The following RALGAPA1 variants were observed in gnomAD, a reference collection of about 807,000 sequenced individuals.
RALGAPA1 encodes the protein Ral GTPase activating protein catalytic subunit alpha 1, also known as ral GTPase-activating protein subunit alpha-1.
Under a neutral mutation model 269.6 loss-of-function variants are expected in RALGAPA1, and 52 were observed. The ratio of observed to expected loss-of-function variants is 0.19; its 90% CI spans 0.15 to 0.24. The LOEUF is 0.24. RALGAPA1 is among the 10% of genes least tolerant of loss of function. The pLI is 1.00. For missense variants in RALGAPA1, 1,917 were observed against 3,013.9 expected, an observed-to-expected ratio of 0.64 and a Z score of 8.52; for synonymous variants, 817 against 1,008.3, an observed-to-expected ratio of 0.81 and a Z score of 3.60.
At chr14:35,752,758 C>G (rs1297308916) in intron 7 of RALGAPA1, among the ~76,000 whole-genome samples, 7 of 152,058 alleles carry the variant, frequency 4.6e-5, no homozygotes, top group East Asian at 1.9e-4. Flanking sequence ...GAGTGGGGTA[C>G]TGGAACCCAA....
chr14:35,702,496 T>C (rs1023082615), intron 16 of RALGAPA1, among the ~76,000 whole-genome samples: 3 of 152,110 alleles, frequency 2.0e-5, no homozygotes, highest in African/African-American at 4.8e-5. Flanking sequence ...ATATACAAAA[T>C]GTCAGAATCT....
chr14:35,722,763 G>A (rs1180757069), intron 15 of RALGAPA1, among the ~76,000 whole-genome samples: 1 of 152,012 alleles, frequency 6.6e-6, no homozygotes, highest in African/African-American at 2.4e-5. Flanking sequence ...TTAAAACTAA[G>A]TAAGTGCTTT....
At chr14:35,690,435 T>A (rs912487559) in intron 17 of RALGAPA1, among the ~76,000 whole-genome samples, 1 of 152,210 alleles carries the variant, frequency 6.6e-6, no homozygotes, top group Non-Finnish European at 1.5e-5. Context: ...TAATAAATTC[T>A]CCAGCTTCCT....
intron 3 of RALGAPA1, among the ~76,000 whole-genome samples, chr14:35,772,077 T>G (rs897103895): frequency 6.6e-6 from 1 of 151,800 alleles, no homozygotes; most frequent in African/African-American, 2.4e-5. Flanking sequence ...TTTTAAGAGG[T>G]GGGGGTTTCA....
chr14:35,804,364 T>A (rs1376950193), intron 1 of RALGAPA1, among the ~76,000 whole-genome samples: 1 of 146,568 alleles, frequency 6.8e-6, no homozygotes, highest in African/African-American at 2.6e-5. Context: ...AGGTCAGGAG[T>A]TCAAGACCAG....
At chr14:35,714,876 T>C (rs995309068) in intron 16 of RALGAPA1, among the ~76,000 whole-genome samples, 29 of 152,360 alleles carry the variant, frequency 1.9e-4, no homozygotes, top group African/African-American at 6.0e-4. Context: ...TCTATAATGA[T>C]AGTTATTTTT....
intron 1 of RALGAPA1, among the ~76,000 whole-genome samples, chr14:35,801,971 G>A (rs1308339955): frequency 6.6e-6 from 1 of 152,212 alleles, no homozygotes; most frequent in Admixed American, 6.5e-5. Context: ...AACTGTATTT[G>A]CAGACTGATT....
chr14:35,653,813 C>T (rs2063000412), intron 30 of RALGAPA1, among the ~76,000 whole-genome samples: 2 of 151,280 alleles, frequency 1.3e-5, no homozygotes, highest in Non-Finnish European at 1.5e-5. Flanking sequence ...CAGGAGACAC[C>T]GAATTAGAAT....
chr14:35,597,802 T>A (rs2059019361), intron 36 of RALGAPA1, among the ~76,000 whole-genome samples: 1 of 152,266 alleles, frequency 6.6e-6, no homozygotes, highest in Non-Finnish European at 1.5e-5. Context: ...GGACATAGGA[T>A]GTAACCTTTT....
At chr14:35,702,808 C>T (rs1364199719) in intron 16 of RALGAPA1, among the ~76,000 whole-genome samples, 4 of 149,594 alleles carry the variant, frequency 2.7e-5, no homozygotes, top group African/African-American at 7.4e-5. Flanking sequence ...GGCGCGATCT[C>T]GGCTCACTGC....
chr14:35,738,800 A>C (rs2141123625), intron 11 of RALGAPA1, 150 bp from the exon 12 acceptor site: 1 of 603,970 alleles, frequency 1.7e-6, no homozygotes, highest in Non-Finnish European at 2.8e-6. Context: ...AAATCCAAAA[A>C]CAATGTATAT....
intron 6 of RALGAPA1, among the ~76,000 whole-genome samples, chr14:35,759,143 G>A (rs1324641575): frequency 6.6e-6 from 1 of 152,078 alleles, no homozygotes; most frequent in Non-Finnish European, 1.5e-5. Context: ...AACACATAAT[G>A]TAAATAAGCA....
Position 35,572,733 on chromosome 14 carries a change from A to G in RALGAPA1, c.7210-15T>C. ...AAATGTCTCAACTGGAAAGACAAGAAAACAATTTATACTGCTTTAAAAGCT... is the reference window on the plus strand; with the variant it reads ...AAATGTCTCAACTGGAAAGACAAGAGAACAATTTATACTGCTTTAAAAGCT... On this transcript the variant is annotated splice_polypyrimidine_tract_variant and intron_variant, in intron 37 of 41. Coordinates refer to ENST00000680220, the MANE Select transcript of RALGAPA1 (RefSeq NM_001346249.2). 1 of 1,588,346 alleles carries G rather than the reference A, an allele frequency of 6.3e-7. No individual in the cohort carries two copies. The highest frequency in any genetic ancestry group is 8.6e-7 in the Non-Finnish European group (1 of 1,168,402).
intron 37 of RALGAPA1, among the ~76,000 whole-genome samples, chr14:35,577,277 C>T (rs967733346): frequency 7.2e-5 from 11 of 151,996 alleles, no homozygotes; most frequent in South Asian, 4.2e-4. Context: ...CCCATCCACC[C>T]CCCAAATTCA....
intron 35 of RALGAPA1, among the ~76,000 whole-genome samples, chr14:35,610,290 T>C (rs1359777930): frequency 6.6e-6 from 1 of 151,336 alleles, no homozygotes; most frequent in African/African-American, 2.4e-5. Context: ...TTTTTTCTTT[T>C]TTTTTTTTTT....
chr14:35,562,445 A>T (rs2056339197), intron 39 of RALGAPA1, among the ~76,000 whole-genome samples: 1 of 152,122 alleles, frequency 6.6e-6, no homozygotes, highest in Admixed American at 6.5e-5. Flanking sequence ...AGATCTCCCA[A>T]CCCCAAATGA....
chr14:35,602,436 T>C (rs774859270), intron 36 of RALGAPA1, among the ~76,000 whole-genome samples: 2 of 152,198 alleles, frequency 1.3e-5, no homozygotes, highest in African/African-American at 2.4e-5. Flanking sequence ...CTACTAGCAG[T>C]GTATGAGGGT....
Position 35,587,584 on chromosome 14 carries a change from C to G in RALGAPA1, c.7209+8050G>C, listed in dbSNP as rs988315009. Among the ~76,000 whole-genome samples the G allele has an allele frequency of 1.3e-5, 2 of 152,114 alleles. 1 individual carries two copies. Among genetic ancestry groups the G allele is most frequent in the African/African-American group, 4.8e-5 (2 of 41,412 alleles). Reference sequence around the variant, plus strand: ...GTCCTTTGCAGGGACATGGATGAAGCTGGAAACCATCATTTTGAGCAAACT... The same window carrying G: ...GTCCTTTGCAGGGACATGGATGAAGGTGGAAACCATCATTTTGAGCAAACT... On this transcript the variant is annotated intron_variant, in intron 37 of 41. Transcript: ENST00000680220.
At chr14:35,743,579 C>A (rs540287527) in intron 10 of RALGAPA1, among the ~76,000 whole-genome samples, 1 of 152,174 alleles carries the variant, frequency 6.6e-6, no homozygotes, top group South Asian at 2.1e-4. Flanking sequence ...ACTGAACTGG[C>A]CTCAAGTGGT....
Sources: gnomAD v4.1 joint callset for allele counts (sites outside exome capture counted in the v4.1 genomes callset) on GRCh38, gnomAD v4.1.1 for gene constraint, MANE v1.5 for transcripts, NCBI Gene and HGNC (gene_info 2026-07-23, HGNC 2026-07-21) for gene names.